SCP2: variants seen among roughly 807,000 people sequenced by gnomAD.
SCP2 encodes SCP-2/3-oxoacyl-CoA thiolase.
In SCP2, 48 loss-of-function variants were observed where a neutral mutation model predicts 71.4. The observed-to-expected ratio is 0.67, with a 90% CI of 0.53 to 0.86. The LOEUF (loss-of-function observed/expected upper bound fraction) is 0.86, where lower values mean the gene tolerates loss of function less well. Among genes scored for constraint, SCP2 ranks in the 40% least tolerant of loss-of-function variants. The pLI is 0.00. For synonymous variants in SCP2, 220 were observed against 218.1 expected (o/e 1.01, Z -0.08); for missense variants, 560 against 655.6 (o/e 0.85, Z 1.59).
chr1:52,960,508 GTGTGTGTGTGTA>G (rs1557561882), intron 5 of SCP2, among the ~76,000 whole-genome samples: 7 of 138,506 alleles, frequency 5.1e-5, no homozygotes, highest in African/African-American at 2.0e-4. Flanking sequence ...GTGTGTGTGT[GTGTGTGTGTGTA>G]TATGTGTGTA....
chr1:52,991,672 T>TACAG (rs1157579952), intron 11 of SCP2, among the ~76,000 whole-genome samples: 1 of 152,222 alleles, frequency 6.6e-6, no homozygotes, highest in African/African-American at 2.4e-5. Context: ...GTGCTGGGAT[T>TACAG]ACAGGCATGA....
Position 52,981,066 on chromosome 1 carries a change from G to A in SCP2, c.973+523G>A, listed in dbSNP as rs569688325. 5.3e-5 allele frequency among the ~76,000 whole-genome samples: 8 copies of A among 151,964 alleles called. No homozygotes were observed. In the South Asian group the frequency reaches 1.7e-3, roughly 32 times the overall value. The stretch of plus-strand genomic sequence containing the variant: ...CCTGCCTCAGCCTCCTGTGTAGCCG[G>A]GATTACAGGCACCTGCCAACACGCC... On this transcript the variant is annotated intron_variant, in intron 10 of 15. Coordinates refer to ENST00000371514, the MANE Select transcript of SCP2 (RefSeq NM_002979.5).
intron 10 of SCP2, among the ~76,000 whole-genome samples, chr1:52,986,688 C>T (rs1346436097): frequency 6.6e-6 from 1 of 152,048 alleles, no homozygotes; most frequent in East Asian, 1.9e-4. Context: ...GTTTTCTCAT[C>T]TAGGAAATGA....
At chr1:52,936,784 G>A (rs1395636733) in intron 1 of SCP2, among the ~76,000 whole-genome samples, 5 of 152,026 alleles carry the variant, frequency 3.3e-5, no homozygotes, top group Non-Finnish European at 7.4e-5. Flanking sequence ...TGTAAGAATC[G>A]GGATAGTAAT....
At chr1:52,943,876 C>T in intron 2 of SCP2, 1 of 451,246 alleles carries the variant, frequency 2.2e-6, no homozygotes. Context: ...TAGCCAGTTG[C>T]TTCCTGGATG....
intron 11 of SCP2, chr1:52,993,939 C>G (rs540901085): frequency 2.2e-6 from 3 of 1,353,162 alleles, no homozygotes; most frequent in Non-Finnish European, 1.9e-6. Flanking sequence ...TTATCGGTAG[C>G]CATCAATTGC....
intron 11 of SCP2, among the ~76,000 whole-genome samples, chr1:53,004,662 C>T (rs1186037630): frequency 2.6e-5 from 4 of 152,200 alleles, no homozygotes; most frequent in Non-Finnish European, 4.4e-5. Flanking sequence ...TAAGAAGGTT[C>T]CAAGATGGCC....
intron 11 of SCP2, among the ~76,000 whole-genome samples, chr1:52,992,280 A>C (rs945807184): frequency 6.6e-6 from 1 of 152,028 alleles, no homozygotes; most frequent in Non-Finnish European, 1.5e-5. Flanking sequence ...GTATCTGCTT[A>C]CAAACATATA....
At chr1:52,979,630 A>G (rs748657575) in intron 9 of SCP2, among the ~76,000 whole-genome samples, 2 of 152,158 alleles carry the variant, frequency 1.3e-5, no homozygotes, top group East Asian at 1.9e-4. Flanking sequence ...AAATTCTCCC[A>G]TATTTTTCAG....
At chr1:52,996,387 A>G (rs1268322376) in intron 11 of SCP2, among the ~76,000 whole-genome samples, 1 of 152,228 alleles carries the variant, frequency 6.6e-6, no homozygotes, top group Non-Finnish European at 1.5e-5. Flanking sequence ...AATGGCCACC[A>G]TCCTAAGCCC....
intron 5 of SCP2, among the ~76,000 whole-genome samples, chr1:52,955,550 T>G (rs912123586): frequency 3.9e-5 from 6 of 152,060 alleles, no homozygotes; most frequent in African/African-American, 1.2e-4. Context: ...AAAAACTCAG[T>G]AAAACCTTTC....
intron 8 of SCP2, 105 bp from the exon 9 acceptor site, chr1:52,978,112 C>T (rs1286027620): frequency 4.0e-6 from 4 of 1,002,926 alleles, no homozygotes; most frequent in Non-Finnish European, 6.2e-6. Flanking sequence ...ATCCACTGAC[C>T]AGCAAGCATA....
chr1:52,996,666 G>A (rs17107541), intron 11 of SCP2, among the ~76,000 whole-genome samples: 10,006 of 152,090 alleles, frequency 0.066, 657 homozygotes, highest in Admixed American at 0.19. Flanking sequence ...CTCATATATT[G>A]AATTCCTCCC....
rs550082350 is a variant in SCP2 at position 52,995,248 on chromosome 1, G to A, written c.1081+7112G>A. On this transcript the variant is annotated intron_variant, in intron 11 of 15. Coordinates refer to ENST00000371514, the MANE Select transcript of SCP2 (RefSeq NM_002979.5). The stretch of plus-strand genomic sequence containing the variant: ...GCCTCCACCCAAAGTGTCTGACACC[G>A]TGGTCGAGCCCTACAACATCACCCT... 25 of 496,410 alleles carry A rather than the reference G, an allele frequency of 5.0e-5. 1 individual carries two copies. The highest frequency in any genetic ancestry group is 2.1e-4 in the South Asian group (13 of 61,374). The allele number at this position is 496,410 out of a possible 1,614,324, so 30.8% of individuals were successfully genotyped here. A position where few individuals can be genotyped will look rare whatever the true frequency, so the allele number is the denominator to read the frequency against.
chr1:53,049,198 A>G (rs1197507971), intron 15 of SCP2: 1 of 152,248 alleles, frequency 6.6e-6, no homozygotes, highest in Non-Finnish European at 1.5e-5. Flanking sequence ...TGCACATGCC[A>G]TGCACAGCTT....
intron 13 of SCP2, among the ~76,000 whole-genome samples, chr1:53,032,238 T>C (rs79472213): frequency 0.012 from 1,757 of 152,310 alleles, 37 homozygotes; most frequent in African/African-American, 0.04. Flanking sequence ...GGAAGTAGCA[T>C]TGAATTTGGG....
chr1:52,979,418 C>A (rs990177578), intron 9 of SCP2, among the ~76,000 whole-genome samples: 1 of 151,382 alleles, frequency 6.6e-6, no homozygotes, highest in Non-Finnish European at 1.5e-5. Context: ...TGGACTCAAG[C>A]GATTCACCTG....
chr1:53,036,018 T>TC (rs1553154959), intron 13 of SCP2, among the ~76,000 whole-genome samples: 3 of 65,064 alleles, frequency 4.6e-5, no homozygotes, highest in African/African-American at 3.9e-4. Flanking sequence ...AGACTCCGTC[T>TC]CAAAAAAAAA....
intron 12 of SCP2, among the ~76,000 whole-genome samples, chr1:53,027,662 G>A (rs1227389336): frequency 6.6e-6 from 1 of 151,952 alleles, no homozygotes; most frequent in African/African-American, 2.4e-5. Context: ...GCGCCATCAT[G>A]CCCAGCTAAT....
Sources: gnomAD v4.1 joint callset for allele counts (sites outside exome capture counted in the v4.1 genomes callset) on GRCh38, gnomAD v4.1.1 for gene constraint, MANE v1.5 for transcripts, NCBI Gene and HGNC (gene_info 2026-07-23, HGNC 2026-07-21) for gene names.